Variants in PTK2B observed in about 807,000 individuals in gnomAD.
PTK2B encodes the protein protein tyrosine kinase 2 beta.
In PTK2B, 71 loss-of-function variants were observed where a neutral mutation model predicts 142.9. That is an observed-to-expected ratio of 0.50 (90% CI 0.41 to 0.61). PTK2B has a LOEUF of 0.61. PTK2B is among the 20% of genes least tolerant of loss of function. The pLI is 0.00. For synonymous variants in PTK2B, 519 were observed against 503.4 expected (o/e 1.03, Z -0.42); for missense variants, 1,105 against 1,320.4 (o/e 0.84, Z 2.53).
chr8:27,357,346 C>A (rs1805447591), intron 1 of PTK2B, among the ~76,000 whole-genome samples: 1 of 152,216 alleles, frequency 6.6e-6, no homozygotes, highest in Admixed American at 6.5e-5. Context: ...GGTTCCAGAG[C>A]CACTTCAGTT....
chr8:27,433,413 T>A, intron 10 of PTK2B, 22 bp from the exon 11 acceptor site: 1 of 1,600,658 alleles, frequency 6.2e-7, no homozygotes, highest in African/African-American at 1.3e-5. Flanking sequence ...GGTCTCACCC[T>A]TGGCTGGTCT....
chr8:27,425,140 C>T (rs960886137), intron 5 of PTK2B, among the ~76,000 whole-genome samples: 10 of 151,390 alleles, frequency 6.6e-5, no homozygotes, highest in African/African-American at 2.2e-4. Flanking sequence ...TAGTATATAA[C>T]ATATATATGC....
intron 1 of PTK2B, among the ~76,000 whole-genome samples, chr8:27,350,340 G>C (rs1586136567): frequency 6.6e-6 from 1 of 150,698 alleles, no homozygotes; most frequent in Non-Finnish European, 1.5e-5. Flanking sequence ...GTCTGGCCAT[G>C]AGCCAGAGAC....
intron 1 of PTK2B, among the ~76,000 whole-genome samples, chr8:27,360,378 A>T (rs1805628033): frequency 6.6e-6 from 1 of 152,250 alleles, no homozygotes; most frequent in African/African-American, 2.4e-5. Context: ...AGTCATGCTG[A>T]TGCTGATGGG....
At chr8:27,445,169 A>T (rs1271707037) in intron 23 of PTK2B, among the ~76,000 whole-genome samples, 1 of 152,220 alleles carries the variant, frequency 6.6e-6, no homozygotes, top group East Asian at 1.9e-4. Flanking sequence ...CAGGAGTTTG[A>T]GACCAGCCTG....
rs547615052 is a variant in PTK2B, at chr8:27,379,409, G to T, written c.-37-18139G>T. ...GCCGGGGTCTTTTTAAAAATTTTTT[G>T]TAGAGATAGGAGTCTTGCCTGTGGC... is the stretch of plus-strand genomic sequence containing the variant. On this transcript the variant is annotated intron_variant, in intron 1 of 30. Coordinates refer to ENST00000346049, the MANE Select transcript of PTK2B (RefSeq NM_173176.3). Among the ~76,000 whole-genome samples the T allele has an allele frequency of 1.4e-4, 22 of 152,212 alleles. No individual in the cohort carries two copies. In the South Asian group the frequency reaches 2.1e-3, roughly 14 times the overall value.
chr8:27,372,885 A>C (rs1271392772), intron 1 of PTK2B, among the ~76,000 whole-genome samples: 2 of 152,144 alleles, frequency 1.3e-5, no homozygotes, highest in Non-Finnish European at 2.9e-5. Flanking sequence ...CTAGCATTTA[A>C]AGATTAGAGA....
Position 27,363,687 on chromosome 8 carries a change from C to G in PTK2B, c.-37-33861C>G, listed in dbSNP as rs906763880. ...TCCTCCCCGGAGCCAGGCAGAGGCT[C>G]AGGGGCTCTCCCATGTCCTGTCTGA... On this transcript the variant is annotated intron_variant, in intron 1 of 30. Transcript: ENST00000346049. The surrounding 1 kb of genome is among the most constrained non-coding windows in gnomAD (Gnocchi z 4.3). Among the ~76,000 whole-genome samples, 6 of 152,298 alleles carry G rather than the reference C, an allele frequency of 3.9e-5. 1 individual carries two copies. The South Asian group carries it at 1.2e-3, about 32-fold the overall frequency.
intron 3 of PTK2B, among the ~76,000 whole-genome samples, chr8:27,320,090 G>A (rs918011507): frequency 6.6e-6 from 1 of 152,158 alleles, no homozygotes; most frequent in African/African-American, 2.4e-5. Context: ...GCTGTTTGTA[G>A]TGGGGAGGAG....
At chr8:27,443,631 A>G (rs1306347116) in intron 22 of PTK2B, among the ~76,000 whole-genome samples, 1 of 152,176 alleles carries the variant, frequency 6.6e-6, no homozygotes, top group Non-Finnish European at 1.5e-5. Flanking sequence ...CTCCATCCTC[A>G]TAACCTCATC....
At chr8:27,352,892 T>A (rs1466429577) in intron 1 of PTK2B, among the ~76,000 whole-genome samples, 1 of 152,248 alleles carries the variant, frequency 6.6e-6, no homozygotes, top group Non-Finnish European at 1.5e-5. Flanking sequence ...CTCAGTTATG[T>A]CTTTATCAGC....
At chr8:27,371,545 T>TTATATATATATA (rs148359194) in intron 1 of PTK2B, among the ~76,000 whole-genome samples, 1 of 147,464 alleles carries the variant, frequency 6.8e-6, no homozygotes, top group Non-Finnish European at 1.5e-5. Flanking sequence ...TTTTTATTAT[T>TTATATATATATA]TATATATATA....
rs1812342413 is a variant in PTK2B at position 27,459,212 on chromosome 8, CCT to C, written c.*706_*707del. The C allele has an allele frequency of 4.3e-6, 1 of 233,950 alleles. No individual in the cohort carries two copies. Among genetic ancestry groups the C allele is most frequent in the Non-Finnish European group, 8.4e-6 (1 of 118,694 alleles). 14.5% of individuals were successfully genotyped at this position (233,950 alleles called of 1,614,324 possible). On this transcript the variant is annotated 3_prime_UTR_variant, in exon 31 of 31. Transcript: ENST00000346049. ...GGGCCAAATCCGCTCTCTTCCTGCC[CCT>C]CTTTCTCTTTCTTCCTTTACTTTCC...
intron 30 of PTK2B, among the ~76,000 whole-genome samples, chr8:27,454,879 A>G (rs904496174): frequency 6.6e-6 from 1 of 152,124 alleles, no homozygotes; most frequent in Non-Finnish European, 1.5e-5. Context: ...AAGGGGACAC[A>G]CCTTCCTTTC....
chr8:27,328,056 G>A (rs1803525594), intron 1 of PTK2B, among the ~76,000 whole-genome samples: 1 of 152,204 alleles, frequency 6.6e-6, no homozygotes, highest in South Asian at 2.1e-4. Flanking sequence ...CGTGGGGTTA[G>A]CCCTTGGGTT....
At chr8:27,437,557 GC>G in intron 17 of PTK2B, 61 bp downstream of exon 17, 1 of 1,382,300 alleles carries the variant, frequency 7.2e-7, no homozygotes, top group Non-Finnish European at 1.0e-6. Flanking sequence ...TCAGAGCACA[GC>G]CCATTCCTCC....
chr8:27,458,216 G>A (rs1238836957), intron 30 of PTK2B, 78 bp from the exon 31 acceptor site: 8 of 1,426,976 alleles, frequency 5.6e-6, no homozygotes, highest in Admixed American at 1.9e-5. Flanking sequence ...GCATGCAGGT[G>A]GACACCTCTG....
chr8:27,333,273 C>T (rs1336272348), intron 1 of PTK2B, among the ~76,000 whole-genome samples: 3 of 152,162 alleles, frequency 2.0e-5, no homozygotes, highest in Non-Finnish European at 2.9e-5. Context: ...GAAGATAAGG[C>T]TTGGACAGGG....
At chr8:27,318,046 G>T (rs1208135852) in intron 3 of PTK2B, among the ~76,000 whole-genome samples, 1 of 152,100 alleles carries the variant, frequency 6.6e-6, no homozygotes, top group South Asian at 2.1e-4. Context: ...CATACCTCAT[G>T]ATGCACCAAA....
Sources: gnomAD v4.1 joint callset for allele counts (sites outside exome capture counted in the v4.1 genomes callset) on GRCh38, gnomAD v4.1.1 for gene constraint, Gnocchi (gnomAD v3.1) non-coding constraint, MANE v1.5 for transcripts, NCBI Gene and HGNC (gene_info 2026-07-23, HGNC 2026-07-21) for gene names.